The following PRSS23 variants were observed in gnomAD, a reference collection of about 807,000 sequenced individuals.
PRSS23 encodes the protein serine protease 23.
Under a neutral mutation model 34.7 loss-of-function variants are expected in PRSS23, and 25 were observed. That is an observed-to-expected ratio of 0.72 (90% CI 0.53 to 1.01). PRSS23 has a LOEUF of 1.01. Among genes scored for constraint, PRSS23 ranks in the 50% least tolerant of loss-of-function variants. The pLI, the probability that PRSS23 is intolerant of heterozygous loss-of-function variation, is 0.00. For missense variants in PRSS23, 445 were observed against 475.6 expected, an observed-to-expected ratio of 0.94 and a Z score of 0.60; for synonymous variants, 176 against 186.6, an observed-to-expected ratio of 0.94 and a Z score of 0.46.
At chr11:86,817,843 G>T (rs970966899) in intron 1 of PRSS23, among the ~76,000 whole-genome samples, 19 of 152,198 alleles carry the variant, frequency 1.2e-4, no homozygotes, top group Non-Finnish European at 1.5e-5. Flanking sequence ...CATTGATTTT[G>T]TATCCATGTC....
At chr11:86,871,450 A>G (rs574467734) in intron 2 of PRSS23, among the ~76,000 whole-genome samples, 1 of 152,038 alleles carries the variant, frequency 6.6e-6, no homozygotes, top group Admixed American at 6.6e-5. Context: ...CAAAGACCCA[A>G]TGGGTTCTCT....
At chr11:86,924,045 C>T (rs1949063979) in intron 2 of PRSS23, among the ~76,000 whole-genome samples, 2 of 152,162 alleles carry the variant, frequency 1.3e-5, no homozygotes, top group South Asian at 4.1e-4. Flanking sequence ...CTTGGTAGAT[C>T]ATTGACACCT....
At chr11:86,907,281 G>A (rs1453549936) in intron 2 of PRSS23, among the ~76,000 whole-genome samples, 2 of 152,124 alleles carry the variant, frequency 1.3e-5, no homozygotes, top group Non-Finnish European at 2.9e-5. Context: ...GCATCCTCAT[G>A]CATAACACTG....
At chr11:86,936,951 T>G (rs1053479572) in intron 2 of PRSS23, 2 of 152,078 alleles carry the variant, frequency 1.3e-5, no homozygotes, top group African/African-American at 4.8e-5. Flanking sequence ...ATTTAGAACA[T>G]TAATGCTGCA....
At chr11:86,843,213 G>T (rs1948461438) in intron 2 of PRSS23, among the ~76,000 whole-genome samples, 1 of 152,156 alleles carries the variant, frequency 6.6e-6, no homozygotes, top group African/African-American at 2.4e-5. Flanking sequence ...AAACTGGTTA[G>T]CCATATGTAG....
At chr11:86,952,520 G>A in exon 3 of PRSS23, 1 of 1,596,834 alleles carries the variant, frequency 6.3e-7, no homozygotes, top group East Asian at 2.2e-5. Flanking sequence ...TGACTTGGAA[G>A]TTTGACCAAA....
intron 2 of PRSS23, among the ~76,000 whole-genome samples, chr11:86,913,452 T>C (rs1193274286): frequency 6.6e-6 from 1 of 150,976 alleles, no homozygotes; most frequent in Non-Finnish European, 1.5e-5. Context: ...GGGTTGGTCT[T>C]ATAGGAACTA....
chr11:86,839,649 G>A (rs944252673), intron 2 of PRSS23, among the ~76,000 whole-genome samples: 11 of 151,886 alleles, frequency 7.2e-5, no homozygotes, highest in Non-Finnish European at 1.0e-4. Context: ...ACACATAATC[G>A]TCAGATTCAC....
Position 86,845,834 on chromosome 11 carries a change from C to A in PRSS23, c.206+22241C>A, listed in dbSNP as rs1223370359. Among the ~76,000 whole-genome samples, 5 of 152,182 alleles carry A rather than the reference C, an allele frequency of 3.3e-5. No individual in the cohort carries two copies. The East Asian group carries it at 9.6e-4, about 29-fold the overall frequency. ...TTTTTCTGTGACCAGCAGACCTTAT[C>A]TATGCTCCCAATTCCAATTTCTTAT... On this transcript the variant is annotated intron_variant, in intron 2 of 2. Coordinates refer to the PRSS23 transcript ENST00000533902.
chr11:86,855,916 G>GGA (rs1948567276), intron 2 of PRSS23, among the ~76,000 whole-genome samples: 1 of 152,294 alleles, frequency 6.6e-6, no homozygotes, highest in East Asian at 1.9e-4. Context: ...CTGCTGCAGT[G>GGA]GAGAGGATTT....
rs1948139642 is a variant in PRSS23, at chr11:86,808,695, C to A, written c.1052C>A (p.Ser351Tyr). 1 of 1,614,054 alleles carries A rather than the reference C, an allele frequency of 6.2e-7. No individual in the cohort carries two copies. Among genetic ancestry groups the A allele is most frequent in the African/African-American group, 1.3e-5 (1 of 75,014 alleles). The change falls in exon 2 of 2, where the codon TCC (serine) becomes TAC (tyrosine). Residue 351 changes from serine (S) to tyrosine (Y), a missense_variant. Transcript: ENST00000280258. ...CACCAGTGGGTGGACATGAATGGTT[C>A]CCCACAGGATTTCAACGTGGCTGTC... ...SGHQWVDMNG[S>Y]PQDFNVAVRI...
Position 86,808,025 on chromosome 11 carries a change from C to A in PRSS23, c.382C>A (p.Arg128=). 6.2e-7 allele frequency: 1 copy of A among 1,614,010 alleles called. No homozygotes were observed. Among genetic ancestry groups the A allele is most frequent in the Admixed American group, 1.7e-5 (1 of 60,012 alleles). Residue 128 remains arginine (R), a synonymous_variant, in exon 2 of 2, where the codon CGG becomes AGG. Transcript: ENST00000280258. ...SGSSGKSRRK[R]QIYGYDSRFS... ...GTCTTCAGGAAAGTCTCGAAGGAAG[C>A]GGCAGATTTATGGCTATGACAGCAG...
intron 2 of PRSS23, among the ~76,000 whole-genome samples, chr11:86,940,371 G>A (rs960162661): frequency 6.6e-6 from 1 of 152,202 alleles, no homozygotes; most frequent in Non-Finnish European, 1.5e-5. Context: ...AGAAAGCAAA[G>A]ATTCGGCTCA....
intron 2 of PRSS23, among the ~76,000 whole-genome samples, chr11:86,834,869 G>T (rs187987417): frequency 6.6e-6 from 1 of 152,238 alleles, no homozygotes; most frequent in East Asian, 1.9e-4. Context: ...GTAGTTCCTG[G>T]AGTGAGGGGA....
intron 2 of PRSS23, among the ~76,000 whole-genome samples, chr11:86,928,215 TAA>T (rs1268443919): frequency 8.5e-5 from 11 of 129,994 alleles, no homozygotes; most frequent in Admixed American, 8.0e-4. Context: ...TTTATACTTA[TAA>T]ATATATATGT....
At chr11:86,906,465 C>T (rs1182537112) in intron 2 of PRSS23, among the ~76,000 whole-genome samples, 2 of 152,250 alleles carry the variant, frequency 1.3e-5, no homozygotes, top group Non-Finnish European at 2.9e-5. Context: ...GGGCTGGAGG[C>T]TGGCTCGGCG....
chr11:86,827,473 A>T (rs538056082), intron 2 of PRSS23, among the ~76,000 whole-genome samples: 3 of 151,380 alleles, frequency 2.0e-5, no homozygotes, highest in Admixed American at 6.6e-5. Context: ...TTTTGAAGGG[A>T]TTTTTGTGTC....
At chr11:86,838,054 T>A (rs1948420008) in intron 2 of PRSS23, among the ~76,000 whole-genome samples, 1 of 151,686 alleles carries the variant, frequency 6.6e-6, no homozygotes, top group Non-Finnish European at 1.5e-5. Context: ...ACAGACTGTA[T>A]CTGAAGAAAC....
chr11:86,869,370 T>G (rs1948670191), intron 2 of PRSS23, among the ~76,000 whole-genome samples: 1 of 152,204 alleles, frequency 6.6e-6, no homozygotes. Flanking sequence ...TCTACATTCC[T>G]TTATCAAACA....
Sources: gnomAD v4.1 joint callset for allele counts (sites outside exome capture counted in the v4.1 genomes callset) on GRCh38, gnomAD v4.1.1 for gene constraint, MANE v1.5 for transcripts, NCBI Gene and HGNC (gene_info 2026-07-23, HGNC 2026-07-21) for gene names.